The following BLMH variants were observed in gnomAD, a reference collection of about 807,000 sequenced individuals.
BLMH encodes the protein bleomycin hydrolase, also known as BLM hydrolase.
Under a neutral mutation model 61.6 loss-of-function variants are expected in BLMH, and 32 were observed. That is an observed-to-expected ratio of 0.52 (90% CI 0.39 to 0.70). The LOEUF (loss-of-function observed/expected upper bound fraction) is 0.70. BLMH is among the 30% of genes least tolerant of loss of function. BLMH has a pLI of 0.00. For missense variants in BLMH, 460 were observed against 555.5 expected (o/e 0.83, Z 1.73); for synonymous variants, 183 against 193.8 (o/e 0.94, Z 0.46).
chr17:30,286,021 G>A (rs1168513870), intron 5 of BLMH, among the ~76,000 whole-genome samples: 1 of 152,086 alleles, frequency 6.6e-6, no homozygotes. Context: ...ACTTCAAATG[G>A]AATCAAATGC....
At chr17:30,252,533 C>CGA (rs1907696899) in intron 11 of BLMH, among the ~76,000 whole-genome samples, 1 of 66,392 alleles carries the variant, frequency 1.5e-5, no homozygotes, top group African/African-American at 5.1e-5. Flanking sequence ...CCCATCCTCA[C>CGA]AAAAAAAAAA....
chr17:30,251,541 G>GGAGCCA (rs1907667879), intron 11 of BLMH, among the ~76,000 whole-genome samples: 1 of 152,238 alleles, frequency 6.6e-6, no homozygotes, highest in African/African-American at 2.4e-5. Context: ...AGTAAACACT[G>GGAGCCA]GAGCCATTTT....
chr17:30,269,665 G>A (rs1365179323), intron 10 of BLMH, among the ~76,000 whole-genome samples: 1 of 152,032 alleles, frequency 6.6e-6, no homozygotes, highest in African/African-American at 2.4e-5. Flanking sequence ...CCTGTTTCTT[G>A]GTGTGGGAGT....
intron 9 of BLMH, chr17:30,272,171 T>G (rs116294022): frequency 0.018 from 4,080 of 223,754 alleles, 159 homozygotes; most frequent in African/African-American, 0.087. Context: ...GTCCCACTTG[T>G]CACAATGACA....
chr17:30,259,932 G>C (rs1907913273), intron 11 of BLMH, among the ~76,000 whole-genome samples: 1 of 152,186 alleles, frequency 6.6e-6, no homozygotes. Flanking sequence ...TTAGAGATCT[G>C]AAACTGGAAC....
At chr17:30,278,383 AATTAAT>A (rs1908482757) in intron 6 of BLMH, among the ~76,000 whole-genome samples, 1 of 152,234 alleles carries the variant, frequency 6.6e-6, no homozygotes, top group African/African-American at 2.4e-5. Flanking sequence ...TTACACATTA[AATTAAT>A]ATTAAAACCA....
At chr17:30,272,972 G>A (rs1908316054) in intron 7 of BLMH, 73 bp from the exon 8 acceptor site, 1 of 1,495,574 alleles carries the variant, frequency 6.7e-7, no homozygotes, top group Non-Finnish European at 9.1e-7. Flanking sequence ...TCTCCTCTAG[G>A]TTCATGTTTC....
At position 30,291,805 on chromosome 17, in the gene BLMH, A is replaced by C; in HGVS notation, c.13+2T>G. 7.2e-7 allele frequency: 1 copy of C among 1,384,758 alleles called. No homozygotes were observed. Among genetic ancestry groups the C allele is most frequent in the Non-Finnish European group, 9.3e-7 (1 of 1,073,394 alleles). 85.8% of individuals were successfully genotyped at this position (1,384,758 alleles called of 1,614,324 possible). On this transcript the variant is annotated splice_donor_variant, in intron 1 of 11. Coordinates refer to ENST00000261714, the MANE Select transcript of BLMH (RefSeq NM_000386.4). LOFTEE classifies it high-confidence loss of function. ...CCGCGGCGGGGGACGGCGGCACCTC[A>C]CCCGAGCTGCTCATGGCGCCCACGC...
At chr17:30,258,040 C>T (rs1907861578) in intron 11 of BLMH, among the ~76,000 whole-genome samples, 1 of 151,732 alleles carries the variant, frequency 6.6e-6, no homozygotes, top group South Asian at 2.1e-4. Context: ...ACTATGTTGC[C>T]CAGGCTGGAC....
chr17:30,268,332 CTCCCTTATAGGGAT>C lies in BLMH; in HGVS notation c.1147-1392_1147-1379del, dbSNP rs376601038. Among the ~76,000 whole-genome samples the C allele has an allele frequency of 3.3e-3, 508 of 152,264 alleles. 4 individuals carry two copies. Among genetic ancestry groups the C allele is most frequent in the African/African-American group, 0.012 (485 of 41,552 alleles). ...ATTACAAAATGATTAATACCTGGAACTCCCTTATAGGGATTCCATGATATCAGCAACAAAAGAAA... is the reference window on the plus strand; with the variant it reads ...ATTACAAAATGATTAATACCTGGAACTCCATGATATCAGCAACAAAAGAAA... On this transcript the variant is annotated intron_variant, in intron 10 of 11. Coordinates refer to ENST00000261714, the MANE Select transcript of BLMH (RefSeq NM_000386.4).
intron 11 of BLMH, among the ~76,000 whole-genome samples, chr17:30,263,085 C>T (rs1437184048): frequency 6.6e-6 from 1 of 152,184 alleles, no homozygotes; most frequent in Non-Finnish European, 1.5e-5. Flanking sequence ...TTTCTGGTCA[C>T]CAATGACCAT....
At position 30,254,787 on chromosome 17, in the gene BLMH, C is replaced by T. The variant is rs900643159; in HGVS notation, c.1217-5619G>A. Among the ~76,000 whole-genome samples the T allele has an allele frequency of 3.9e-5, 6 of 152,144 alleles. No homozygotes were observed. The East Asian group carries it at 1.2e-3, about 29-fold the overall frequency. ...TTAATTTTTGAGTTGCCTACAATCC[C>T]ACCACCTTGGGACACATGTTCAAGC... On this transcript the variant is annotated intron_variant, in intron 11 of 11. Transcript: ENST00000261714.
chr17:30,277,368 A>C (rs1254650174), intron 6 of BLMH, among the ~76,000 whole-genome samples: 1 of 152,244 alleles, frequency 6.6e-6, no homozygotes, highest in Non-Finnish European at 1.5e-5. Context: ...TGACAACTTT[A>C]GGCATCTGTC....
intron 11 of BLMH, among the ~76,000 whole-genome samples, chr17:30,257,992 G>T (rs1597657409): frequency 6.6e-6 from 1 of 152,012 alleles, no homozygotes; most frequent in East Asian, 1.9e-4. Flanking sequence ...AATGTATTTT[G>T]TATCTTTTAT....
At position 30,285,704 on chromosome 17, in the gene BLMH, C is replaced by T. The variant is rs1446303608; in HGVS notation, c.553-224G>A. On this transcript the variant is annotated intron_variant, in intron 5 of 11. Transcript: ENST00000261714. Reference sequence around the variant, plus strand: ...TAAGTTACTCCTCCAAAATACTAGACGGAACTGCTCCTTCTCTGCAAACAT... The same window carrying T: ...TAAGTTACTCCTCCAAAATACTAGATGGAACTGCTCCTTCTCTGCAAACAT... Among the ~76,000 whole-genome samples the T allele has an allele frequency of 4.6e-5, 7 of 152,286 alleles. No homozygotes were observed. In the East Asian group the frequency reaches 7.7e-4, roughly 17 times the overall value.
At chr17:30,284,184 G>T (rs1908665883) in intron 6 of BLMH, among the ~76,000 whole-genome samples, 1 of 152,200 alleles carries the variant, frequency 6.6e-6, no homozygotes, top group African/African-American at 2.4e-5. Flanking sequence ...TTATTTAAAT[G>T]CATTTGGTAA....
intron 11 of BLMH, among the ~76,000 whole-genome samples, chr17:30,253,748 T>C (rs1907737203): frequency 2.0e-5 from 3 of 152,026 alleles, no homozygotes; most frequent in Admixed American, 1.3e-4. Context: ...CACAGACAAA[T>C]AGATAAAGTC....
chr17:30,269,979 G>A (rs1348973294), intron 10 of BLMH, among the ~76,000 whole-genome samples: 1 of 152,148 alleles, frequency 6.6e-6, no homozygotes, highest in Non-Finnish European at 1.5e-5. Flanking sequence ...CTTAGATGCT[G>A]TGGGGTTGAA....
At chr17:30,291,710 G>A (rs1908897156) in intron 1 of BLMH, 97 bp downstream of exon 1, 3 of 1,410,582 alleles carry the variant, frequency 2.1e-6, no homozygotes, top group Non-Finnish European at 2.8e-6. Flanking sequence ...CCCCGCCATC[G>A]CCAAGGGTCC....
Sources: allele counts gnomAD v4.1 joint callset (sites outside exome capture counted in the v4.1 genomes callset), GRCh38; gene constraint gnomAD v4.1.1; transcripts MANE v1.5; gene names NCBI Gene and HGNC (gene_info 2026-07-23, HGNC 2026-07-21).